Variants in DENND2B observed in about 807,000 individuals in gnomAD.
DENND2B encodes the protein DENN domain containing 2B, also known as DENN domain-containing protein 2B.
A neutral mutation model predicts 116.0 loss-of-function variants in DENND2B; 32 were observed. The ratio of observed to expected loss-of-function variants is 0.28; its 90% CI spans 0.21 to 0.37. The LOEUF is 0.37. DENND2B is among the 10% of genes least tolerant of loss of function. DENND2B has a pLI of 1.00. For synonymous variants in DENND2B, 588 were observed against 583.9 expected (o/e 1.01, Z -0.10); for missense variants, 1,276 against 1,477.7 (o/e 0.86, Z 2.24).
At chr11:8,797,468 T>C (rs10840123) in intron 1 of DENND2B, among the ~76,000 whole-genome samples, 47,839 of 130,580 alleles carry the variant, frequency 0.37, 10,060 homozygotes, top group Non-Finnish European at 0.46. Flanking sequence ...CTTCTTCCCC[T>C]TTCTTCCCCT....
At chr11:8,694,215 G>A in intron 19 of DENND2B, 85 bp from the exon 20 acceptor site, 2 of 1,486,312 alleles carry the variant, frequency 1.3e-6, no homozygotes, top group Non-Finnish European at 1.9e-6. Context: ...CCCTAACCCT[G>A]TCAGTGGGAG....
chr11:8,700,068 G>C lies in DENND2B; in HGVS notation c.2721-678C>G, dbSNP rs994081102. 7.7e-4 allele frequency: 350 copies of C among 452,352 alleles called. 2 individuals are homozygous for C. Among genetic ancestry groups the C allele is most frequent in the East Asian group, 5.6e-4 (8 of 14,314 alleles). The allele number at this position is 452,352 out of a possible 1,614,324, so 28.0% of individuals were successfully genotyped here. A position where few individuals can be genotyped will look rare whatever the true frequency, so the allele number is the denominator to read the frequency against. ...ACAGCCCCACGGGAGCTGGCCTGGG[G>C]GGGGGCAGGGTGGCAAAGAGGAAGC... On this transcript the variant is annotated intron_variant, in intron 14 of 19. Transcript: ENST00000313726.
intron 1 of DENND2B, among the ~76,000 whole-genome samples, chr11:8,883,978 G>A (rs1203542457): frequency 6.6e-6 from 1 of 152,150 alleles, no homozygotes; most frequent in Non-Finnish European, 1.5e-5. Context: ...TTCCAGTACT[G>A]CCCTCAATGG....
At chr11:8,777,668 A>G (rs1251376355) in intron 1 of DENND2B, among the ~76,000 whole-genome samples, 1 of 152,220 alleles carries the variant, frequency 6.6e-6, no homozygotes, top group Admixed American at 6.5e-5. Flanking sequence ...GAGTGCTCTA[A>G]AATTCCTATC....
intron 16 of DENND2B, 72 bp from the exon 17 acceptor site, chr11:8,697,708 G>C (rs937037216): frequency 5.2e-6 from 5 of 969,058 alleles, no homozygotes; most frequent in South Asian, 1.3e-5. Context: ...AGACCTGTTA[G>C]AAGAGCGTGA....
intron 4 of DENND2B, among the ~76,000 whole-genome samples, chr11:8,720,172 A>T (rs2045910068): frequency 6.6e-6 from 1 of 152,152 alleles, no homozygotes; most frequent in African/African-American, 2.4e-5. Context: ...ACTGAGAACC[A>T]CTGCTTTAGA....
At position 8,758,888 on chromosome 11, in the gene DENND2B, G is replaced by A. The variant is rs184231469; in HGVS notation, c.-25-8163C>T. On this transcript the variant is annotated intron_variant, in intron 1 of 19. Transcript: ENST00000313726. ...GGAAGGGTTAGGAGGCACGGCATTG[G>A]CAACAGCCACACAAAACCTCCTGGA... Among the ~76,000 whole-genome samples, 254 of 152,326 alleles carry A rather than the reference G, an allele frequency of 1.7e-3. 1 individual carries two copies. Among genetic ancestry groups the A allele is most frequent in the African/African-American group, 5.6e-3 (233 of 41,570 alleles).
In DENND2B at chr11:8,730,803, C is replaced by T. The variant is rs1319372870; in HGVS notation, c.487G>A (p.Gly163Ser). The T allele has an allele frequency of 6.2e-7, 1 of 1,613,054 alleles. No individual in the cohort carries two copies. The highest frequency in any genetic ancestry group is 8.5e-7 in the Non-Finnish European group (1 of 1,179,986). ...TRTGTRAHSL[G>S]IREKISAWEG... ...CATGCTGATATCTTCTCCCGGATGC[C>T]CAGGCTGTGGGCGCGGGTACCGGTA... Residue 163 changes from glycine (G) to serine (S), a missense_variant, in exon 3 of 20, where the codon GGC becomes AGC. By Grantham distance (56) the Gly-to-Ser change is moderately conservative. Around this residue, in one of 2 missense-constraint regions of DENND2B, gnomAD observed 856 missense variants for 846.6 expected, o/e 1.01. Coordinates refer to ENST00000313726, the MANE Select transcript of DENND2B (RefSeq NM_213618.2). The surrounding 1 kb of genome is among the most constrained non-coding windows in gnomAD (Gnocchi z 4.1).
intron 8 of DENND2B, among the ~76,000 whole-genome samples, 159 bp downstream of exon 8, chr11:8,713,839 T>C (rs1417351811): frequency 1.3e-5 from 2 of 152,238 alleles, no homozygotes; most frequent in Admixed American, 6.5e-5. Flanking sequence ...CAGACTTCCC[T>C]GTGGCTCCCT....
chr11:8,876,491 A>G (rs1198530464), intron 2 of DENND2B, among the ~76,000 whole-genome samples: 1 of 152,104 alleles, frequency 6.6e-6, no homozygotes, highest in Non-Finnish European at 1.5e-5. Context: ...TTCTCTTTCT[A>G]TATCAGCTCA....
chr11:8,726,329 A>G, intron 3 of DENND2B, 120 bp from the exon 4 acceptor site: 1 of 1,357,908 alleles, frequency 7.4e-7, no homozygotes, highest in Non-Finnish European at 9.9e-7. Flanking sequence ...CTTCTGAAAG[A>G]GCATCAAGGT....
At chr11:8,849,424 T>C (rs1203323479) in intron 3 of DENND2B, among the ~76,000 whole-genome samples, 2 of 93,380 alleles carry the variant, frequency 2.1e-5, no homozygotes, top group East Asian at 6.4e-4. Context: ...ACCTGGGAGG[T>C]GGAGGTTGCC....
At chr11:8,839,410 A>C (rs1365094879) in intron 3 of DENND2B, 39 of 152,286 alleles carry the variant, frequency 2.6e-4, no homozygotes, top group African/African-American at 8.9e-4. Context: ...CTTTCCAATA[A>C]CCTTTAAGAA....
At chr11:8,910,762 C>G (rs1007618291) in intron 1 of DENND2B, 1 of 150,448 alleles carries the variant, frequency 6.6e-6, no homozygotes, top group African/African-American at 2.6e-5. Context: ...GCTATGTTGC[C>G]TACCTAGCTG....
At chr11:8,745,275 A>G (rs2051031462) in intron 2 of DENND2B, among the ~76,000 whole-genome samples, 1 of 152,056 alleles carries the variant, frequency 6.6e-6, no homozygotes, top group Admixed American at 6.5e-5. Context: ...GGCTGGTCTC[A>G]AACTCCTGGG....
chr11:8,778,222 G>T (rs1347980980), intron 1 of DENND2B, among the ~76,000 whole-genome samples: 1 of 152,216 alleles, frequency 6.6e-6, no homozygotes, highest in Admixed American at 6.5e-5. Context: ...GCCTAATGAG[G>T]ACTGCATCCA....
intron 2 of DENND2B, among the ~76,000 whole-genome samples, chr11:8,859,779 C>G (rs2063332949): frequency 6.6e-6 from 1 of 152,084 alleles, no homozygotes; most frequent in Non-Finnish European, 1.5e-5. Flanking sequence ...CCTATCAGTC[C>G]CATCTTGGCA....
At chr11:8,808,980 T>C (rs2061133125) in intron 1 of DENND2B, 1 of 152,124 alleles carries the variant, frequency 6.6e-6, no homozygotes, top group Non-Finnish European at 1.5e-5. Flanking sequence ...GATGGTAAAA[T>C]TGAAGAGCTC....
chr11:8,837,604 C>T (rs565952557), intron 4 of DENND2B, among the ~76,000 whole-genome samples: 2 of 152,272 alleles, frequency 1.3e-5, no homozygotes, highest in South Asian at 2.1e-4. Flanking sequence ...CCTCAGCCTC[C>T]GAAAGTGCTG....
Sources: allele counts gnomAD v4.1 joint callset (sites outside exome capture counted in the v4.1 genomes callset), GRCh38; gene constraint gnomAD v4.1.1; regional missense constraint gnomAD v4.1.1; non-coding constraint Gnocchi (gnomAD v3.1); transcripts MANE v1.5; gene names NCBI Gene and HGNC (gene_info 2026-07-23, HGNC 2026-07-21).